The following FLNB variants were observed in gnomAD, a reference collection of about 807,000 sequenced individuals.
The protein encoded by FLNB is filamin-B.
A neutral mutation model predicts 250.6 loss-of-function variants in FLNB; 111 were observed. The ratio of observed to expected loss-of-function variants is 0.44; its 90% confidence interval spans 0.38 to 0.52. The LOEUF (loss-of-function observed/expected upper bound fraction) is 0.52, where lower values mean the gene tolerates loss of function less well. FLNB is among the 20% of genes least tolerant of loss of function. The pLI is 0.00. For missense variants in FLNB, 2,869 were observed against 3,447.8 expected (o/e 0.83, Z 4.20); for synonymous variants, 1,302 against 1,372.1 (o/e 0.95, Z 1.13).
At chr3:58,013,283 C>A (rs1458519902) in intron 1 of FLNB, among the ~76,000 whole-genome samples, 1 of 152,000 alleles carries the variant, frequency 6.6e-6, no homozygotes, top group Non-Finnish European at 1.5e-5. Flanking sequence ...GTGGTCTAAC[C>A]CTAAAGTTTA....
chr3:58,076,774 A>G (rs1410492967), intron 1 of FLNB, among the ~76,000 whole-genome samples: 3 of 152,080 alleles, frequency 2.0e-5, no homozygotes, highest in Non-Finnish European at 4.4e-5. Flanking sequence ...ATTATGGAAA[A>G]TTTTAGGCGT....
rs373821754 is a variant in FLNB, at chr3:58,130,905, C to T, written c.4387C>T (p.Arg1463Ter). Residue 1463 changes from arginine to a stop codon, truncating the protein, a stop_gained, in exon 25 of 46, where the codon CGA (arginine) becomes TGA (stop). Transcript: ENST00000295956. LOFTEE classifies it high-confidence loss of function. Reference protein sequence around the residue: ...APLEVRVLGPRGLVEPVNVVD... With the variant: ...APLEVRVLGP ...GCTGGAAGTGAGGGTTCTGGGCCCA[C>T]GAGGTAAGTGTGCACCCTGCCTTCC... The T allele has an allele frequency of 3.3e-5, 53 of 1,610,146 alleles. No homozygotes were observed. The highest frequency in any genetic ancestry group is 3.6e-5 in the Non-Finnish European group (42 of 1,178,788).
At chr3:58,036,260 G>A (rs2097138008) in intron 1 of FLNB, among the ~76,000 whole-genome samples, 1 of 152,208 alleles carries the variant, frequency 6.6e-6, no homozygotes. Flanking sequence ...GATTTATCAA[G>A]ACAGAGGAAT....
In FLNB at chr3:58,132,679, GC is replaced by G. The variant is rs1243072907; in HGVS notation, c.4391-127del. ...TTCAGGCCTGTGATTATGGTTGCTG[GC>G]CTTTTTGTTACTCATCAGTGGAAAC... On this transcript the variant is annotated intron_variant, in intron 25 of 45. Coordinates refer to ENST00000295956, the MANE Select transcript of FLNB (RefSeq NM_001457.4). 3.5e-6 allele frequency: 4 copies of G among 1,157,104 alleles called. No homozygotes were observed. The Admixed American group carries it at 5.3e-5, about 15-fold the overall frequency. 71.7% of individuals were successfully genotyped at this position (1,157,104 alleles called of 1,614,324 possible). A position where few individuals can be genotyped will look rare whatever the true frequency, so the allele number is the denominator to read the frequency against.
chr3:58,153,729 G>A, intron 39 of FLNB, 88 bp downstream of exon 39: 1 of 1,472,934 alleles, frequency 6.8e-7, no homozygotes, highest in Non-Finnish European at 9.4e-7. Context: ...TGCCCCATTT[G>A]AAAGAGAAGA....
Position 58,098,838 on chromosome 3 carries a change from T to A in FLNB, c.1275T>A (p.Pro425=), listed in dbSNP as rs376909618. 2.5e-5 allele frequency: 41 copies of A among 1,614,022 alleles called. No homozygotes were observed. Among genetic ancestry groups the A allele is most frequent in the Non-Finnish European group, 3.4e-5 (40 of 1,180,034 alleles). Residue 425 remains proline (P), a synonymous_variant, in exon 8 of 46, where the codon CCT becomes CCA. Coordinates refer to ENST00000295956, the MANE Select transcript of FLNB (RefSeq NM_001457.4). ...TGTACAAACCCATGCAGCCTGGCCC[T>A]CACGTGGTCAAGATCTTCTTTGCTG... is the stretch of plus-strand genomic sequence containing the variant. ...RCVYKPMQPG[P]HVVKIFFAGD...
chr3:58,162,664 A>G (rs1306393929), intron 42 of FLNB: 4 of 180,242 alleles, frequency 2.2e-5, no homozygotes, highest in East Asian at 2.9e-4. Flanking sequence ...GAACTCCCCA[A>G]TGGGTGAACA....
At chr3:58,139,329 T>TC (rs998329059) in intron 29 of FLNB, among the ~76,000 whole-genome samples, 1 of 152,208 alleles carries the variant, frequency 6.6e-6, no homozygotes, top group African/African-American at 2.4e-5. Flanking sequence ...TACCATGCTG[T>TC]CATCCTCACT....
At chr3:58,134,504 C>A in intron 26 of FLNB, 112 bp from the exon 27 acceptor site, 1 of 1,250,612 alleles carries the variant, frequency 8.0e-7, no homozygotes, top group Non-Finnish European at 1.2e-6. Flanking sequence ...ACTGTCTTAT[C>A]TGCTGTAGAA....
chr3:58,158,710 T>C (rs982711117), intron 41 of FLNB, among the ~76,000 whole-genome samples: 1 of 152,100 alleles, frequency 6.6e-6, no homozygotes, highest in Admixed American at 6.5e-5. Flanking sequence ...GAACTTCTAA[T>C]CCCCTCCTCC....
rs2097331122 is a variant in FLNB at position 58,143,706 on chromosome 3, T to C, written c.5425+93T>C. ...CCTCAGCCGCTTTGCAGGGAGCAGCTCTCGGCAGCAGGCTGGAGAATGCAG... is the reference window on the plus strand; with the variant it reads ...CCTCAGCCGCTTTGCAGGGAGCAGCCCTCGGCAGCAGGCTGGAGAATGCAG... On this transcript the variant is annotated intron_variant, in intron 32 of 45. Transcript: ENST00000295956. 7 of 1,508,270 alleles carry C rather than the reference T, an allele frequency of 4.6e-6. No homozygotes were observed. In the South Asian group the frequency reaches 8.0e-5, roughly 17 times the overall value. 93.4% of individuals were successfully genotyped at this position (1,508,270 alleles called of 1,614,324 possible). A position where few individuals can be genotyped will look rare whatever the true frequency, so the allele number is the denominator to read the frequency against.
Position 58,148,285 on chromosome 3 carries a change from C to T in FLNB, c.5808C>T (p.Ser1936=). 6.2e-7 allele frequency: 1 copy of T among 1,614,160 alleles called. No individual in the cohort carries two copies. Among genetic ancestry groups the T allele is most frequent in the Non-Finnish European group, 8.5e-7 (1 of 1,180,030 alleles). The part of the protein sequence containing the change: ...FLLDISETDL[S]SLTASIKAPS... ...TCGACATCAGTGAGACTGACCTCAGCAGCCTGACGGCCAGCATTAAGGCCC... is the reference window on the plus strand; with the variant it reads ...TCGACATCAGTGAGACTGACCTCAGTAGCCTGACGGCCAGCATTAAGGCCC... The change falls in exon 35 of 46, where the codon AGC becomes AGT. Residue 1936 remains serine, a synonymous_variant. Coordinates refer to ENST00000295956, the MANE Select transcript of FLNB (RefSeq NM_001457.4).
chr3:58,070,310 C>G (rs192675002), intron 1 of FLNB, among the ~76,000 whole-genome samples: 76 of 152,226 alleles, frequency 5.0e-4, no homozygotes, highest in Middle Eastern at 3.4e-3. Context: ...TCCCAAAGTG[C>G]CAGGATTACA....
rs2107128508 is a variant in FLNB, at chr3:58,111,738, G to A, written c.2485-53G>A. On this transcript the variant is annotated intron_variant, in intron 16 of 45. Coordinates refer to ENST00000295956, the MANE Select transcript of FLNB (RefSeq NM_001457.4). ...TCACCCTTTGTTGAAGGCTCCCTGA[G>A]CTCTGGCTGTTGCTTCAGGGGCTTT... The A allele has an allele frequency of 3.7e-6, 5 of 1,366,684 alleles. No individual in the cohort carries two copies. In the East Asian group the frequency reaches 9.2e-5, roughly 25 times the overall value. The allele number at this position is 1,366,684 out of a possible 1,614,324, so 84.7% of individuals were successfully genotyped here. A position where few individuals can be genotyped will look rare whatever the true frequency, so the allele number is the denominator to read the frequency against.
rs766576616 is a variant in FLNB, at chr3:58,112,228, C to T, written c.2655C>T (p.Asn885=). The T allele has an allele frequency of 1.9e-6, 3 of 1,614,008 alleles. No individual in the cohort carries two copies. The highest frequency in any genetic ancestry group is 2.5e-6 in the Non-Finnish European group (3 of 1,179,982). The change falls in exon 18 of 46, where the codon AAC becomes AAT. Residue 885 remains asparagine, a synonymous_variant. Transcript: ENST00000295956. ...AAGCCCCGCTCAACGTGCAGTTCAA[C>T]AGCCCTCTTCCTGGCGATGCAGTGA... ...AGKAPLNVQF[N]SPLPGDAVKD...
intron 1 of FLNB, among the ~76,000 whole-genome samples, chr3:58,010,632 G>T (rs2097097214): frequency 6.6e-6 from 1 of 152,144 alleles, no homozygotes; most frequent in African/African-American, 2.4e-5. Context: ...GCTCAATTTG[G>T]ATCTGTTCTT....
At chr3:58,108,259 C>G (rs1040405041) in intron 12 of FLNB, among the ~76,000 whole-genome samples, 199 bp from the exon 13 acceptor site, 1 of 152,194 alleles carries the variant, frequency 6.6e-6, no homozygotes, top group Non-Finnish European at 1.5e-5. Context: ...AGTTTTCTCC[C>G]TTATGAGGGA....
At chr3:58,079,522 A>T (rs181738023) in intron 3 of FLNB, among the ~76,000 whole-genome samples, 190 of 152,324 alleles carry the variant, frequency 1.2e-3, no homozygotes, top group African/African-American at 4.3e-3. Flanking sequence ...AAGTGCTGGG[A>T]TTACAGGCGT....
chr3:58,166,438 A>T (rs527503418), intron 43 of FLNB, among the ~76,000 whole-genome samples: 14 of 152,294 alleles, frequency 9.2e-5, no homozygotes, highest in South Asian at 4.1e-4. Flanking sequence ...AAAAAAAAAA[A>T]TTTTTAAAGA....
Sources: allele counts gnomAD v4.1 joint callset (sites outside exome capture counted in the v4.1 genomes callset), GRCh38; gene constraint gnomAD v4.1.1; transcripts MANE v1.5; gene names NCBI Gene and HGNC (gene_info 2026-07-23, HGNC 2026-07-21).